Variants in POU2F1 observed in about 807,000 individuals in gnomAD.
POU2F1 encodes the protein POU domain, class 2, transcription factor 1.
POU2F1 carries 16 observed loss-of-function variants against 84.9 expected under a neutral mutation model. That is an observed-to-expected ratio of 0.19 (90% CI 0.13 to 0.29). The LOEUF (loss-of-function observed/expected upper bound fraction) is 0.29, where lower values mean the gene tolerates loss of function less well. Among genes scored for constraint, POU2F1 ranks in the 10% least tolerant of loss-of-function variants. The pLI is 1.00. For synonymous variants in POU2F1, 368 were observed against 368.3 expected (o/e 1.00, Z 0.01); for missense variants, 738 against 942.6 (o/e 0.78, Z 2.84).
chr1:167,272,299 C>CG (rs1230825338), intron 1 of POU2F1, among the ~76,000 whole-genome samples: 1 of 132,314 alleles, frequency 7.6e-6, no homozygotes, highest in Non-Finnish European at 1.6e-5. Flanking sequence ...GTAAATATTA[C>CG]CTTTTTTTTT....
At chr1:167,320,986 A>G (rs905815466) in intron 1 of POU2F1, among the ~76,000 whole-genome samples, 3 of 152,328 alleles carry the variant, frequency 2.0e-5, no homozygotes, top group South Asian at 4.1e-4. Context: ...ATCGCTATGT[A>G]TGGTTACTTT....
rs1402872839 is a variant in POU2F1, at chr1:167,318,378, G to A, written c.62-14092G>A. ...AGGAGCTGAACATAGTGTGGCCATG[G>A]CACGCAGACTGAGAGGTGCAGTTCA... On this transcript the variant is annotated intron_variant, in intron 1 of 15. Coordinates refer to ENST00000367866, the MANE Select transcript of POU2F1 (RefSeq NM_002697.4). 2.6e-5 allele frequency among the ~76,000 whole-genome samples: 4 copies of A among 152,126 alleles called. No individual in the cohort carries two copies. The East Asian group carries it at 7.7e-4, about 29-fold the overall frequency.
At chr1:167,329,228 C>T in intron 1 of POU2F1, 1 of 1,542,964 alleles carries the variant, frequency 6.5e-7, no homozygotes, top group Non-Finnish European at 8.8e-7. Flanking sequence ...CAAACTGCTA[C>T]CTGTTTCTTC....
intron 1 of POU2F1, among the ~76,000 whole-genome samples, chr1:167,228,733 TA>T (rs1194154452): frequency 6.6e-6 from 1 of 152,264 alleles, no homozygotes; most frequent in Non-Finnish European, 1.5e-5. Flanking sequence ...ATTTGTTTTG[TA>T]TTTCTTGTAT....
chr1:167,392,362 A>C (rs983670907), intron 9 of POU2F1, among the ~76,000 whole-genome samples: 6 of 152,112 alleles, frequency 3.9e-5, no homozygotes, highest in African/African-American at 1.4e-4. Flanking sequence ...CTCAAAAAAA[A>C]AAAAAAAGAA....
chr1:167,275,326 G>A (rs899340983), intron 1 of POU2F1, among the ~76,000 whole-genome samples: 1 of 151,654 alleles, frequency 6.6e-6, no homozygotes, highest in East Asian at 1.9e-4. Flanking sequence ...GTGCCCGGCT[G>A]TAATAATTAT....
intron 2 of POU2F1, among the ~76,000 whole-genome samples, chr1:167,354,667 G>T (rs1349078618): frequency 6.6e-6 from 1 of 152,116 alleles, no homozygotes; most frequent in African/African-American, 2.4e-5. Flanking sequence ...ATTTGTACTG[G>T]TTTATACTGC....
At position 167,375,979 on chromosome 1, in the gene POU2F1, G is replaced by A. The variant is rs113902929; in HGVS notation, c.592-50G>A. On this transcript the variant is annotated intron_variant, in intron 6 of 15. Coordinates refer to ENST00000367866, the MANE Select transcript of POU2F1 (RefSeq NM_002697.4). Reference sequence around the variant, plus strand: ...TCAGCTGGAAGCCTTATAATTAAGCGAACTTTTATTTCAGAATCTCCAATC... The same window carrying A: ...TCAGCTGGAAGCCTTATAATTAAGCAAACTTTTATTTCAGAATCTCCAATC... 90 of 1,606,270 alleles carry A rather than the reference G, an allele frequency of 5.6e-5. 2 individuals are homozygous for A. Among genetic ancestry groups the A allele is most frequent in the African/African-American group, 2.0e-4 (15 of 74,790 alleles).
Position 167,332,453 on chromosome 1 carries a change from CCT to C in POU2F1, c.62-14_62-13del, listed in dbSNP as rs1310437645. ...CCCAGTTTTTTAAAAACCTTATTCT[CCT>C]CTGATTTATTGCAGACTCAAGAATG... On this transcript the variant is annotated splice_polypyrimidine_tract_variant and intron_variant, in intron 1 of 15. Coordinates refer to ENST00000367866, the MANE Select transcript of POU2F1 (RefSeq NM_002697.4). 1.3e-6 allele frequency: 2 copies of C among 1,597,426 alleles called. No individual in the cohort carries two copies. The highest frequency in any genetic ancestry group is 1.7e-6 in the Non-Finnish European group (2 of 1,165,254).
Position 167,398,245 on chromosome 1 carries a change from T to C in POU2F1, c.1269+112T>C. The C allele has an allele frequency of 3.9e-6, 5 of 1,272,226 alleles. No homozygotes were observed. The Admixed American group carries it at 7.2e-5, about 18-fold the overall frequency. The allele number at this position is 1,272,226 out of a possible 1,614,324, so 78.8% of individuals were successfully genotyped here. On this transcript the variant is annotated intron_variant, in intron 11 of 15. Coordinates refer to ENST00000367866, the MANE Select transcript of POU2F1 (RefSeq NM_002697.4). ...GATGACATGTCAGCCTCTGCTCTTATGGATGATTATAAATAGGTGAAGTAA... is the reference window on the plus strand; with the variant it reads ...GATGACATGTCAGCCTCTGCTCTTACGGATGATTATAAATAGGTGAAGTAA...
chr1:167,317,818 G>A (rs1207545198), intron 1 of POU2F1, among the ~76,000 whole-genome samples: 1 of 152,192 alleles, frequency 6.6e-6, no homozygotes, highest in Non-Finnish European at 1.5e-5. Context: ...GCCTGTCTAT[G>A]GCCAGATTTG....
At chr1:167,254,908 C>T (rs948024316) in intron 1 of POU2F1, among the ~76,000 whole-genome samples, 1 of 152,122 alleles carries the variant, frequency 6.6e-6, no homozygotes, top group African/African-American at 2.4e-5. Context: ...CATTCTACAA[C>T]ATTTATTGTT....
chr1:167,373,868 C>T (rs1410003132), intron 5 of POU2F1, among the ~76,000 whole-genome samples: 1 of 151,574 alleles, frequency 6.6e-6, no homozygotes, highest in African/African-American at 2.4e-5. Flanking sequence ...TTGCCCAAAC[C>T]CTAGGGCCCT....
intron 2 of POU2F1, among the ~76,000 whole-genome samples, chr1:167,351,519 C>CAAAAAAAAAAAAAAAAAAAAAA (rs34170498): frequency 1.3e-3 from 61 of 45,912 alleles, no homozygotes; most frequent in Non-Finnish European, 1.7e-3. Context: ...AGCACCATCT[C>CAAAAAAAAAAAAAAAAAAAAAA]AAAAAAAAAA....
chr1:167,347,977 G>T (rs1474435444), intron 2 of POU2F1, among the ~76,000 whole-genome samples: 1 of 152,088 alleles, frequency 6.6e-6, no homozygotes, highest in East Asian at 1.9e-4. Context: ...TTTGGCTCTT[G>T]TGAATAATGC....
Position 167,376,879 on chromosome 1 carries a change from C to A in POU2F1, c.718+724C>A, listed in dbSNP as rs189234721. Among the ~76,000 whole-genome samples, 710 of 152,196 alleles carry A rather than the reference C, an allele frequency of 4.7e-3. 6 individuals carry two copies. Among genetic ancestry groups the A allele is most frequent in the African/African-American group, 0.017 (687 of 41,520 alleles). ...AGATAAGTAATTCAGTATTTACTTG[C>A]AGAGGGCTCACAATTTAGTGGCAGG... On this transcript the variant is annotated intron_variant, in intron 7 of 15. Coordinates refer to ENST00000367866, the MANE Select transcript of POU2F1 (RefSeq NM_002697.4).
At chr1:167,247,215 A>G (rs367626380) in intron 1 of POU2F1, among the ~76,000 whole-genome samples, 4 of 152,040 alleles carry the variant, frequency 2.6e-5, no homozygotes, top group African/African-American at 9.7e-5. Context: ...AACTGAGACC[A>G]TAGGCGTGTG....
chr1:167,341,815 TGAA>T (rs1188890474), intron 2 of POU2F1, among the ~76,000 whole-genome samples: 1 of 152,202 alleles, frequency 6.6e-6, no homozygotes, highest in Non-Finnish European at 1.5e-5. Flanking sequence ...CACATGGACT[TGAA>T]GGATGAATTC....
intron 1 of POU2F1, among the ~76,000 whole-genome samples, chr1:167,312,065 AC>A (rs1185871421): frequency 2.0e-5 from 3 of 151,666 alleles, no homozygotes; most frequent in Non-Finnish European, 4.4e-5. Flanking sequence ...CTCCTGAGTA[AC>A]TGGAATTACA....
Sources: allele counts gnomAD v4.1 joint callset (sites outside exome capture counted in the v4.1 genomes callset), GRCh38; gene constraint gnomAD v4.1.1; transcripts MANE v1.5; gene names NCBI Gene and HGNC (gene_info 2026-07-23, HGNC 2026-07-21).